The following LCK variants were observed in gnomAD, a reference collection of about 807,000 sequenced individuals.
LCK encodes tyrosine-protein kinase Lck.
A neutral mutation model predicts 64.6 loss-of-function variants in LCK; 14 were observed. That is an observed-to-expected ratio of 0.22 (90% confidence interval 0.14 to 0.34). The LOEUF is 0.34. Among genes scored for constraint, LCK ranks in the 10% least tolerant of loss-of-function variants. The pLI is 1.00. For synonymous variants in LCK, 277 were observed against 263.6 expected, an observed-to-expected ratio of 1.05 and a Z score of -0.49; for missense variants, 434 against 668.1, an observed-to-expected ratio of 0.65 and a Z score of 3.86.
chr1:32,285,485 T>G (rs765293690), intron 12 of LCK, 29 bp from the exon 13 acceptor site: 34 of 1,607,126 alleles, frequency 2.1e-5, no homozygotes, highest in Middle Eastern at 3.3e-4. Flanking sequence ...GTGCCTGACC[T>G]TGATGTCCTT....
rs1051395230 is a variant in LCK at position 32,263,369 on chromosome 1, G to C, written c.-5-10956G>C. Among the ~76,000 whole-genome samples, 23 of 150,798 alleles carry C rather than the reference G, an allele frequency of 1.5e-4. 1 individual carries two copies. Among genetic ancestry groups the C allele is most frequent in the African/African-American group, 5.6e-4 (23 of 40,978 alleles). On this transcript the variant is annotated intron_variant, in intron 1 of 12. Coordinates refer to ENST00000336890, the MANE Select transcript of LCK (RefSeq NM_005356.5). ...GATTGTGCCACTGCACTCCAGCCTG[G>C]GGGACAGAGGAAGACTCCGTCTCAA...
rs768342687 is a variant in LCK, at chr1:32,276,479, G to A, written c.774G>A (p.Glu258=). 1.2e-6 allele frequency: 2 copies of A among 1,608,686 alleles called. No homozygotes were observed. Among genetic ancestry groups the A allele is most frequent in the East Asian group, 2.2e-5 (1 of 44,832 alleles). The change falls in exon 8 of 13, where the codon GAG becomes GAA. Residue 258 remains glutamate, a synonymous_variant. Transcript: ENST00000336890. The surrounding 1 kb of genome is among the most constrained non-coding windows in gnomAD (Gnocchi z 4.6). ...GGCTGGGGGCTGGACAGTTCGGGGA[G>A]GTGTGGATGGGTGAGTGTGGCCTCC... The part of the protein sequence containing the change: ...VERLGAGQFG[E]VWMGYYNGHT...
At chr1:32,263,899 A>T (rs1227375011) in intron 1 of LCK, among the ~76,000 whole-genome samples, 1 of 152,004 alleles carries the variant, frequency 6.6e-6, no homozygotes, top group Non-Finnish European at 1.5e-5. Context: ...CCTGTGCGAC[A>T]GAGCAAGACC....
chr1:32,262,328 C>T (rs1334742098), intron 1 of LCK, among the ~76,000 whole-genome samples: 1 of 148,962 alleles, frequency 6.7e-6, no homozygotes, highest in Non-Finnish European at 1.5e-5. Context: ...TGGTGAAACC[C>T]CATCTCTGCT....
chr1:32,280,908 G>A (rs1640438888), intron 12 of LCK, among the ~76,000 whole-genome samples: 1 of 152,198 alleles, frequency 6.6e-6, no homozygotes, highest in Non-Finnish European at 1.5e-5. Context: ...AGTGAAGCTA[G>A]TCACTTCACT....
chr1:32,264,804 C>T (rs1370578285), intron 1 of LCK, among the ~76,000 whole-genome samples: 1 of 152,174 alleles, frequency 6.6e-6, no homozygotes, highest in East Asian at 2.0e-4. Context: ...CACCACGTTG[C>T]CCAGGCTGGT....
Position 32,275,936 on chromosome 1 carries a change from G to A in LCK, c.504G>A (p.Arg168=), listed in dbSNP as rs764228746. The A allele has an allele frequency of 1.7e-5, 27 of 1,614,044 alleles. No individual in the cohort carries two copies. Among genetic ancestry groups the A allele is most frequent in the East Asian group, 2.2e-5 (1 of 44,902 alleles). Reference sequence around the variant, plus strand: ...CAGGATCGTTTTCACTGTCGGTCCGGGACTTCGACCAGAACCAGGGAGAGG... The same window carrying A: ...CAGGATCGTTTTCACTGTCGGTCCGAGACTTCGACCAGAACCAGGGAGAGG... ...STAGSFSLSV[R]DFDQNQGEVV... The change falls in exon 7 of 13, where the codon CGG becomes CGA. Residue 168 remains arginine (R), a synonymous_variant. Coordinates refer to ENST00000336890, the MANE Select transcript of LCK (RefSeq NM_005356.5). The surrounding 1 kb of genome is among the most constrained non-coding windows in gnomAD (Gnocchi z 6.9).
chr1:32,274,493 A>AG (rs1640194172), intron 2 of LCK, 59 bp downstream of exon 2: 12 of 1,394,058 alleles, frequency 8.6e-6, no homozygotes, highest in Non-Finnish European at 1.2e-5. Flanking sequence ...AACCCAGGAG[A>AG]AAGAAATGAC....
Position 32,285,514 on chromosome 1 carries a change from G to A in LCK, c.1328G>A (p.Gly443Glu), listed in dbSNP as rs781676626. The A allele has an allele frequency of 6.2e-7, 1 of 1,614,110 alleles. No individual in the cohort carries two copies. The highest frequency in any genetic ancestry group is 1.7e-5 in the Admixed American group (1 of 60,014). The change falls in exon 13 of 13, where the codon GGG (glycine) becomes GAG (glutamate). Residue 443 changes from glycine to glutamate, a missense_variant and splice_region_variant. Gly to Glu is a moderately conservative substitution (Grantham distance 98, BLOSUM62 -2). Around this residue, in one of 2 missense-constraint regions of LCK, gnomAD observed 201 missense variants for 376.9 expected, o/e 0.53. Transcript: ENST00000336890. ...TGTCCTTTCACCCATCAACCCGTAG[G>A]GATGACCAACCCGGAGGTGATTCAG... ...IVTHGRIPYP[G>E]MTNPEVIQNL...
At chr1:32,280,458 T>G (rs1640422666) in intron 12 of LCK, among the ~76,000 whole-genome samples, 1 of 127,432 alleles carries the variant, frequency 7.8e-6, no homozygotes, top group Non-Finnish European at 1.7e-5. Flanking sequence ...TTTTTTTTTT[T>G]TTTTTTTTTT....
intron 1 of LCK, among the ~76,000 whole-genome samples, chr1:32,273,039 T>C (rs1205258496): frequency 7.0e-6 from 1 of 142,568 alleles, no homozygotes; most frequent in Non-Finnish European, 1.5e-5. Flanking sequence ...TGTGGACGAG[T>C]GTGTGTGTTC....
intron 1 of LCK, among the ~76,000 whole-genome samples, chr1:32,253,268 G>C (rs983775961): frequency 6.6e-6 from 1 of 152,086 alleles, no homozygotes; most frequent in African/African-American, 2.4e-5. Context: ...AGGGGGCTGA[G>C]GCAGAATTGC....
At chr1:32,270,250 CTTTTTTT>C (rs1195979098) in intron 1 of LCK, among the ~76,000 whole-genome samples, 10 of 126,662 alleles carry the variant, frequency 7.9e-5, no homozygotes, top group Admixed American at 1.6e-4. Context: ...GCCCAGCTAA[CTTTTTTT>C]TTTTTTTTTT....
chr1:32,262,193 C>T (rs1187689166), intron 1 of LCK, among the ~76,000 whole-genome samples: 4 of 143,126 alleles, frequency 2.8e-5, no homozygotes, highest in African/African-American at 5.1e-5. Context: ...AGCCGGACGC[C>T]GGCCACTAAT....
At chr1:32,284,354 A>G (rs1190592216) in intron 12 of LCK, among the ~76,000 whole-genome samples, 1 of 148,058 alleles carries the variant, frequency 6.8e-6, no homozygotes, top group Non-Finnish European at 1.5e-5. Flanking sequence ...TAATATATAT[A>G]TTATTTTTAT....
At chr1:32,284,444 C>G (rs1319138923) in intron 12 of LCK, among the ~76,000 whole-genome samples, 1 of 151,748 alleles carries the variant, frequency 6.6e-6, no homozygotes, top group Non-Finnish European at 1.5e-5. Flanking sequence ...TCACTACAAC[C>G]TCTGCACCTC....
chr1:32,266,160 C>T (rs1184808292), intron 1 of LCK, among the ~76,000 whole-genome samples: 2 of 152,102 alleles, frequency 1.3e-5, no homozygotes, highest in Admixed American at 6.6e-5. Context: ...TAAGGTCTCA[C>T]TGTGTTACCC....
chr1:32,261,594 C>T (rs1455192041), intron 1 of LCK, among the ~76,000 whole-genome samples: 1 of 146,208 alleles, frequency 6.8e-6, no homozygotes, highest in Non-Finnish European at 1.5e-5. Flanking sequence ...TGCAGTGAGC[C>T]GAGATCGTGC....
At chr1:32,271,614 G>C (rs1406422859) in intron 1 of LCK, among the ~76,000 whole-genome samples, 1 of 152,182 alleles carries the variant, frequency 6.6e-6, no homozygotes, top group African/African-American at 2.4e-5. Context: ...CAGTGAGTTA[G>C]GATTGGGTCA....
Sources: gnomAD v4.1 joint callset for allele counts (sites outside exome capture counted in the v4.1 genomes callset) on GRCh38, gnomAD v4.1.1 for gene constraint, gnomAD v4.1.1 regional missense constraint, Gnocchi (gnomAD v3.1) non-coding constraint, MANE v1.5 for transcripts, NCBI Gene and HGNC (gene_info 2026-07-23, HGNC 2026-07-21) for gene names.